SRBD1: variants seen among roughly 807,000 people sequenced by gnomAD.
The protein encoded by SRBD1 is S1 RNA binding domain 1.
Under a neutral mutation model 115.3 loss-of-function variants are expected in SRBD1, and 88 were observed. That is an observed-to-expected ratio of 0.76 (90% confidence interval 0.64 to 0.91). The LOEUF (loss-of-function observed/expected upper bound fraction) is 0.91. SRBD1 is among the 40% of genes least tolerant of loss of function. The probability of loss-of-function intolerance (pLI) is 0.00; values close to 1 mark genes in which losing one functional copy is unlikely to be tolerated. For missense variants in SRBD1, 1,385 were observed against 1,177.4 expected (o/e 1.18, Z -2.58); for synonymous variants, 509 against 407.7 (o/e 1.25, Z -2.99).
intron 19 of SRBD1, among the ~76,000 whole-genome samples, chr2:45,406,927 T>C: frequency 6.6e-6 from 1 of 152,174 alleles, no homozygotes; most frequent in East Asian, 1.9e-4. Flanking sequence ...GTTACTTTTC[T>C]GTGCAGAATA....
At chr2:45,445,284 T>C (rs1053412865) in intron 16 of SRBD1, among the ~76,000 whole-genome samples, 2 of 152,086 alleles carry the variant, frequency 1.3e-5, no homozygotes, top group African/African-American at 4.8e-5. Context: ...TTGATGCAGA[T>C]CTGTCACTTG....
At chr2:45,501,595 A>G (rs1670632201) in intron 14 of SRBD1, among the ~76,000 whole-genome samples, 1 of 152,022 alleles carries the variant, frequency 6.6e-6, no homozygotes, top group Admixed American at 6.6e-5. Context: ...CCACCCTAAC[A>G]CCGTGCTTTT....
At chr2:45,602,742 T>C (rs1674138708) in intron 2 of SRBD1, among the ~76,000 whole-genome samples, 1 of 152,204 alleles carries the variant, frequency 6.6e-6, no homozygotes, top group South Asian at 2.1e-4. Context: ...AGGACCATCA[T>C]GCTCCTGCCA....
At chr2:45,409,650 T>C (rs1357313099) in intron 19 of SRBD1, among the ~76,000 whole-genome samples, 2 of 152,128 alleles carry the variant, frequency 1.3e-5, no homozygotes, top group Non-Finnish European at 2.9e-5. Flanking sequence ...AAATACCTAG[T>C]AGAACTAGTA....
At chr2:45,573,855 T>G (rs1246709875) in intron 8 of SRBD1, among the ~76,000 whole-genome samples, 1 of 152,186 alleles carries the variant, frequency 6.6e-6, no homozygotes, top group African/African-American at 2.4e-5. Context: ...CTGGAGCCAC[T>G]GAGAAAATAC....
At chr2:45,605,540 A>C (rs1317426877) in intron 1 of SRBD1, 99 bp from the exon 2 acceptor site, 1 of 1,110,638 alleles carries the variant, frequency 9.0e-7, no homozygotes, top group African/African-American at 1.6e-5. Context: ...TTTCATAGGA[A>C]AAAAACAAAA....
intron 1 of SRBD1, among the ~76,000 whole-genome samples, chr2:45,610,599 T>G (rs1009197695): frequency 2.6e-5 from 4 of 152,228 alleles, no homozygotes; most frequent in African/African-American, 7.2e-5. Context: ...CGTGAGGGGT[T>G]CGAGGAAAGT....
chr2:45,605,327 A>C (rs1436751717), intron 2 of SRBD1, 35 bp downstream of exon 2: 2 of 1,573,334 alleles, frequency 1.3e-6, no homozygotes, highest in Non-Finnish European at 1.7e-6. Flanking sequence ...AATATTCATC[A>C]TTCCCCTACC....
chr2:45,440,944 A>G (rs1284825900), intron 16 of SRBD1, among the ~76,000 whole-genome samples: 1 of 152,188 alleles, frequency 6.6e-6, no homozygotes, highest in African/African-American at 2.4e-5. Flanking sequence ...ATTAACGCAT[A>G]ATAATAAAAA....
At chr2:45,405,943 A>C (rs1667424488) in intron 19 of SRBD1, among the ~76,000 whole-genome samples, 1 of 152,168 alleles carries the variant, frequency 6.6e-6, no homozygotes, top group South Asian at 2.1e-4. Context: ...AGGTGGCCAC[A>C]GCTTCTAGCT....
chr2:45,441,153 G>A (rs1360230035), intron 16 of SRBD1, among the ~76,000 whole-genome samples: 3 of 152,120 alleles, frequency 2.0e-5, no homozygotes, highest in Non-Finnish European at 2.9e-5. Flanking sequence ...ACACTGCCAG[G>A]ACAGGATCCA....
intron 14 of SRBD1, among the ~76,000 whole-genome samples, chr2:45,536,583 G>A (rs549412254): frequency 9.2e-5 from 14 of 152,026 alleles, no homozygotes. Flanking sequence ...TATTTGTAAA[G>A]TTTTCTTTGA....
At chr2:45,498,537 T>G (rs1425806824) in intron 14 of SRBD1, among the ~76,000 whole-genome samples, 1 of 152,198 alleles carries the variant, frequency 6.6e-6, no homozygotes, top group African/African-American at 2.4e-5. Flanking sequence ...TCTATTTTTC[T>G]TCATGTTGAG....
At chr2:45,504,761 G>A (rs1448896113) in intron 14 of SRBD1, among the ~76,000 whole-genome samples, 1 of 152,074 alleles carries the variant, frequency 6.6e-6, no homozygotes, top group Non-Finnish European at 1.5e-5. Context: ...AAGGGAAGAG[G>A]AAGCGGCAAG....
chr2:45,539,472 A>T (rs919913375), intron 14 of SRBD1, among the ~76,000 whole-genome samples: 5 of 152,156 alleles, frequency 3.3e-5, no homozygotes, highest in Non-Finnish European at 5.9e-5. Context: ...GTTAGGTTAA[A>T]CCCTCAGTGT....
chr2:45,471,891 C>A (rs1669660685), intron 16 of SRBD1, among the ~76,000 whole-genome samples: 1 of 151,986 alleles, frequency 6.6e-6, no homozygotes, highest in African/African-American at 2.4e-5. Flanking sequence ...ATCACATATA[C>A]ATATATATTT....
intron 18 of SRBD1, among the ~76,000 whole-genome samples, chr2:45,417,422 T>C (rs1019946979): frequency 3.3e-5 from 5 of 152,200 alleles, no homozygotes; most frequent in African/African-American, 1.2e-4. Context: ...TTTGGTGGAT[T>C]TCAGACCTTA....
chr2:45,490,556 T>C (rs746238938), intron 14 of SRBD1, among the ~76,000 whole-genome samples: 7 of 152,184 alleles, frequency 4.6e-5, no homozygotes, highest in Non-Finnish European at 1.0e-4. Context: ...GAGAAAAGAA[T>C]ATTTTTGTAA....
At chr2:45,494,824 C>G (rs1670406657) in intron 14 of SRBD1, among the ~76,000 whole-genome samples, 1 of 152,166 alleles carries the variant, frequency 6.6e-6, no homozygotes, top group African/African-American at 2.4e-5. Flanking sequence ...AATACACAAC[C>G]TCCTTACTTC....
Sources: allele counts gnomAD v4.1 joint callset (sites outside exome capture counted in the v4.1 genomes callset), GRCh38; gene constraint gnomAD v4.1.1; transcripts MANE v1.5; gene names NCBI Gene and HGNC (gene_info 2026-07-23, HGNC 2026-07-21).